SYN3: variants seen among roughly 807,000 people sequenced by gnomAD.
SYN3 encodes the protein synapsin III, also known as synapsin-3.
Under a neutral mutation model 65.8 loss-of-function variants are expected in SYN3, and 35 were observed. The ratio of observed to expected loss-of-function variants is 0.53; its 90% CI spans 0.41 to 0.70. The LOEUF is 0.70. SYN3 is among the 30% of genes least tolerant of loss of function. The probability of loss-of-function intolerance (pLI) is 0.00; values close to 1 mark genes in which losing one functional copy is unlikely to be tolerated. For synonymous variants in SYN3, 270 were observed against 292.9 expected, an observed-to-expected ratio of 0.92 and a Z score of 0.80; for missense variants, 680 against 749.0, an observed-to-expected ratio of 0.91 and a Z score of 1.08.
At chr22:32,896,131 A>G (rs922030022) in intron 4 of SYN3, among the ~76,000 whole-genome samples, 2 of 152,218 alleles carry the variant, frequency 1.3e-5, no homozygotes, top group Non-Finnish European at 2.9e-5. Context: ...TTGAAACTAT[A>G]AAGATATACA....
intron 11 of SYN3, 51 bp downstream of exon 11, chr22:32,528,823 G>A (rs2058024004): frequency 1.2e-6 from 2 of 1,610,488 alleles, no homozygotes; most frequent in East Asian, 4.5e-5. Context: ...TTTCCAGACA[G>A]CCTGGCATTT....
At chr22:32,876,021 C>A (rs1175313870) in intron 4 of SYN3, among the ~76,000 whole-genome samples, 1 of 152,170 alleles carries the variant, frequency 6.6e-6, no homozygotes, top group Non-Finnish European at 1.5e-5. Flanking sequence ...TCCCCACTTC[C>A]TAAAACAACA....
chr22:32,980,011 C>A (rs2052326504), intron 3 of SYN3, among the ~76,000 whole-genome samples: 1 of 152,040 alleles, frequency 6.6e-6, no homozygotes, highest in African/African-American at 2.4e-5. Flanking sequence ...GGAGACCACA[C>A]CTTCCACTCC....
At chr22:32,638,345 T>C (rs1601814505) in intron 6 of SYN3, among the ~76,000 whole-genome samples, 2 of 152,226 alleles carry the variant, frequency 1.3e-5, no homozygotes, top group African/African-American at 4.8e-5. Context: ...AATGGCTGGG[T>C]TGAATGGTAG....
chr22:32,845,285 C>G (rs1391478084), intron 6 of SYN3, among the ~76,000 whole-genome samples: 1 of 152,126 alleles, frequency 6.6e-6, no homozygotes, highest in Admixed American at 6.5e-5. Flanking sequence ...CAACCTCCAC[C>G]TCCTGGGTTC....
At chr22:32,544,416 T>A (rs2058306581) in intron 7 of SYN3, among the ~76,000 whole-genome samples, 1 of 152,220 alleles carries the variant, frequency 6.6e-6, no homozygotes, top group Non-Finnish European at 1.5e-5. Flanking sequence ...TCTCTACATC[T>A]TCATTCCCCA....
chr22:32,965,114 C>G (rs577304978), intron 3 of SYN3, among the ~76,000 whole-genome samples: 38 of 152,322 alleles, frequency 2.5e-4, no homozygotes, highest in African/African-American at 8.9e-4. Context: ...CTTAACCTCT[C>G]TGAGTCTCAG....
At chr22:32,894,701 G>A (rs1428332938) in intron 4 of SYN3, among the ~76,000 whole-genome samples, 2 of 152,192 alleles carry the variant, frequency 1.3e-5, no homozygotes, top group African/African-American at 2.4e-5. Context: ...CTGATTAAAC[G>A]TTATTCTGGG....
At chr22:32,943,285 C>T (rs530607333) in intron 3 of SYN3, among the ~76,000 whole-genome samples, 1 of 152,256 alleles carries the variant, frequency 6.6e-6, no homozygotes, top group South Asian at 2.1e-4. Context: ...GAGTGAGGGC[C>T]AATATTCAAC....
rs2046040956 is a variant in SYN3, at chr22:32,780,983, T to TTCCTCCCTTCCTTCCTTCCTTCCC, written c.711+83931_711+83932insGGGAAGGAAGGAAGGAAGGGAGGA. On this transcript the variant is annotated intron_variant, in intron 6 of 13. Coordinates refer to ENST00000358763, the MANE Select transcript of SYN3 (RefSeq NM_003490.4). The stretch of plus-strand genomic sequence containing the variant: ...CTTCCTTCCTTCCTTCCTTCCCTCC[T>TTCCTCCCTTCCTTCCTTCCTTCCC]TCCTTCCTCTCTCTCACCCCCTTCT... 1.4e-4 allele frequency among the ~76,000 whole-genome samples: 11 copies of TTCCTCCCTTCCTTCCTTCCTTCCC among 78,186 alleles called. No homozygotes were observed. In the South Asian group the frequency reaches 6.9e-3, roughly 49 times the overall value. 51.3% of individuals were successfully genotyped at this position (78,186 alleles called of 152,430 possible).
chr22:32,964,419 T>TAAA (rs201659599), intron 3 of SYN3, among the ~76,000 whole-genome samples: 2 of 128,736 alleles, frequency 1.6e-5, no homozygotes, highest in Non-Finnish European at 3.4e-5. Context: ...TAAAGTATAA[T>TAAA]AAAAAAAAAA....
rs569729903 is a variant in SYN3 at position 32,512,348 on chromosome 22, T to C, written c.*1344A>G. On this transcript the variant is annotated 3_prime_UTR_variant, in exon 14 of 14. Transcript: ENST00000358763. ...GAGGCAAGGGGCTAACATGGCTATG[T>C]TCTAATATCTTGGGCTCTCTTTGGG... 3.5e-4 allele frequency among the ~76,000 whole-genome samples: 54 copies of C among 152,284 alleles called. 1 individual carries two copies. The South Asian group carries it at 0.011, about 30-fold the overall frequency.
intron 6 of SYN3, among the ~76,000 whole-genome samples, chr22:32,666,453 A>T (rs130735): frequency 1 from 152,302 of 152,302 alleles, 76,151 homozygotes; most frequent in Non-Finnish European, 1. Context: ...CCATGTGGCC[A>T]CCTTGCTCTT....
In SYN3 at chr22:32,518,063, T is replaced by C. The variant is rs1485502486; in HGVS notation, c.1590A>G (p.Ala530=). 1 of 1,530,000 alleles carries C rather than the reference T, an allele frequency of 6.5e-7. No individual in the cohort carries two copies. The highest frequency in any genetic ancestry group is 8.8e-7 in the Non-Finnish European group (1 of 1,141,224). The allele number at this position is 1,530,000 out of a possible 1,614,324, so 94.8% of individuals were successfully genotyped here. The change falls in exon 13 of 14, where the codon GCA becomes GCG. Residue 530 remains alanine, a synonymous_variant. Transcript: ENST00000358763. ...SQQGEESKKP[A]PPHPHLNKSQ... ...CTTACTTGAGATGCGGATGGGGTGG[T>C]GCTGGCTTCTTGGACTCTTCACCCT...
chr22:32,997,211 G>C (rs77405122), intron 2 of SYN3, among the ~76,000 whole-genome samples: 1 of 152,152 alleles, frequency 6.6e-6, no homozygotes, highest in African/African-American at 2.4e-5. Context: ...GAATAGTACT[G>C]GTGCCCCATA....
chr22:33,046,639 G>A (rs1204223787), intron 1 of SYN3, among the ~76,000 whole-genome samples: 3 of 151,922 alleles, frequency 2.0e-5, no homozygotes, highest in African/African-American at 4.8e-5. Context: ...TCAGGAGCTC[G>A]AGACCAGCCT....
intron 6 of SYN3, among the ~76,000 whole-genome samples, chr22:32,719,476 G>T (rs566869854): frequency 1.3e-5 from 2 of 152,148 alleles, no homozygotes; most frequent in Non-Finnish European, 2.9e-5. Flanking sequence ...GGATTGTTTT[G>T]TGTGTGGCTG....
chr22:32,597,660 T>C (rs2059221980), intron 6 of SYN3, among the ~76,000 whole-genome samples: 2 of 152,182 alleles, frequency 1.3e-5, no homozygotes, highest in Non-Finnish European at 2.9e-5. Flanking sequence ...CCACATAGGC[T>C]CCGTGCTGAG....
At chr22:32,903,778 G>A (rs1300148406) in intron 4 of SYN3, among the ~76,000 whole-genome samples, 1 of 152,192 alleles carries the variant, frequency 6.6e-6, no homozygotes, top group Non-Finnish European at 1.5e-5. Context: ...AGGGGCAATC[G>A]GCAATGACTG....
Sources: allele counts gnomAD v4.1 joint callset (sites outside exome capture counted in the v4.1 genomes callset), GRCh38; gene constraint gnomAD v4.1.1; transcripts MANE v1.5; gene names NCBI Gene and HGNC (gene_info 2026-07-23, HGNC 2026-07-21).